The following TUT4 variants were observed in gnomAD, a reference collection of about 807,000 sequenced individuals.
The protein encoded by TUT4 is terminal uridylyltransferase 4.
A neutral mutation model predicts 192.2 loss-of-function variants in TUT4; 36 were observed. The observed-to-expected ratio is 0.19, with a 90% CI of 0.14 to 0.25. The LOEUF (loss-of-function observed/expected upper bound fraction) is 0.25. TUT4 is among the 10% of genes least tolerant of loss of function. TUT4 has a pLI of 1.00. For missense variants in TUT4, 1,493 were observed against 1,957.2 expected (o/e 0.76, Z 4.47); for synonymous variants, 618 against 666.0 (o/e 0.93, Z 1.11).
At chr1:52,450,380 G>A (rs748820811) in intron 20 of TUT4, among the ~76,000 whole-genome samples, 5 of 152,122 alleles carry the variant, frequency 3.3e-5, no homozygotes, top group East Asian at 1.9e-4. Flanking sequence ...AAAGTCCCCC[G>A]AAATCAAACC....
intron 4 of TUT4, among the ~76,000 whole-genome samples, chr1:52,508,609 C>G (rs966291115): frequency 6.6e-6 from 1 of 152,056 alleles, no homozygotes; most frequent in Non-Finnish European, 1.5e-5. Flanking sequence ...GGTAGACAGC[C>G]AGAATACAAT....
In TUT4 at chr1:52,516,431, C is replaced by G. The variant is rs181895387; in HGVS notation, c.719-377G>C. Among the ~76,000 whole-genome samples, 8 of 152,346 alleles carry G rather than the reference C, an allele frequency of 5.3e-5. No homozygotes were observed. In the East Asian group the frequency reaches 1.5e-3, roughly 29 times the overall value. ...AGTCCCACTCAAAGAAGATTAGTCA[C>G]TGAACTAAATTCACTAGCAATTAAA... On this transcript the variant is annotated intron_variant, in intron 2 of 29. Coordinates refer to ENST00000257177, the MANE Select transcript of TUT4 (RefSeq NM_001009881.3).
At chr1:52,426,864 T>C (rs1333128902) in intron 28 of TUT4, among the ~76,000 whole-genome samples, 1 of 152,156 alleles carries the variant, frequency 6.6e-6, no homozygotes, top group Non-Finnish European at 1.5e-5. Context: ...TAAAGATAAT[T>C]TGAAAAATGG....
At chr1:52,445,500 G>A (rs373760228) in intron 24 of TUT4, among the ~76,000 whole-genome samples, 2 of 152,108 alleles carry the variant, frequency 1.3e-5, no homozygotes, top group Non-Finnish European at 2.9e-5. Context: ...CATCCAATGC[G>A]CCAGACACTA....
rs1557830984 is a variant in TUT4 at position 52,490,707 on chromosome 1, A to T, written c.1388+25T>A. On this transcript the variant is annotated intron_variant, in intron 8 of 29. Coordinates refer to ENST00000257177, the MANE Select transcript of TUT4 (RefSeq NM_001009881.3). The stretch of plus-strand genomic sequence containing the variant: ...TGGTTGTTGGGGTTTGTTTTTTTAA[A>T]TATTTTATCTTCATTGTTACCAACC... 14 of 1,579,218 alleles carry T rather than the reference A, an allele frequency of 8.9e-6. No individual in the cohort carries two copies. In the East Asian group the frequency reaches 2.9e-4, roughly 33 times the overall value.
chr1:52,529,368 T>C (rs1682729118), intron 1 of TUT4, among the ~76,000 whole-genome samples: 1 of 152,190 alleles, frequency 6.6e-6, no homozygotes, highest in Non-Finnish European at 1.5e-5. Flanking sequence ...CTTGATAAGG[T>C]GTTTTACATA....
chr1:52,547,682 C>G (rs1182500920), intron 1 of TUT4, among the ~76,000 whole-genome samples: 2 of 152,162 alleles, frequency 1.3e-5, no homozygotes, highest in African/African-American at 4.8e-5. Context: ...GAAGGTAATA[C>G]TATTCAGCCA....
chr1:52,441,124 T>C (rs1655382812), intron 24 of TUT4, among the ~76,000 whole-genome samples: 1 of 151,970 alleles, frequency 6.6e-6, no homozygotes, highest in African/African-American at 2.4e-5. Flanking sequence ...TAATTTTTCA[T>C]AAAGAAGAGA....
intron 24 of TUT4, 81 bp from the exon 25 acceptor site, chr1:52,438,416 C>T: frequency 1.1e-6 from 1 of 914,786 alleles, no homozygotes; most frequent in Non-Finnish European, 1.7e-6. Context: ...AAGATGCAAA[C>T]ATGGTTTATT....
chr1:52,490,982 G>A (rs1317011425), intron 7 of TUT4, among the ~76,000 whole-genome samples, 181 bp from the exon 8 acceptor site: 5 of 152,130 alleles, frequency 3.3e-5, no homozygotes, highest in Non-Finnish European at 5.9e-5. Context: ...GTCATTTGCT[G>A]TATATCACAA....
rs560347319 is a variant in TUT4, at chr1:52,546,246, C to T, written c.-94+6685G>A. Among the ~76,000 whole-genome samples the T allele has an allele frequency of 5.5e-3, 832 of 152,306 alleles. 5 individuals are homozygous for T. Among genetic ancestry groups the T allele is most frequent in the South Asian group, 0.02 (95 of 4,828 alleles). ...AAAGCAGGCTAAGAGATACTGTACA[C>T]TCATGTTCACAGCAGCATCATTCAC... On this transcript the variant is annotated intron_variant, in intron 1 of 29. Coordinates refer to ENST00000257177, the MANE Select transcript of TUT4 (RefSeq NM_001009881.3).
intron 1 of TUT4, among the ~76,000 whole-genome samples, chr1:52,542,005 T>C (rs1189892572): frequency 5.3e-5 from 8 of 152,188 alleles, no homozygotes; most frequent in African/African-American, 1.7e-4. Context: ...AATGAACTAC[T>C]ACTCTGCCTT....
chr1:52,540,107 T>C (rs1436694305), intron 1 of TUT4, among the ~76,000 whole-genome samples: 1 of 150,330 alleles, frequency 6.7e-6, no homozygotes, highest in African/African-American at 2.5e-5. Flanking sequence ...TGTTACCAGC[T>C]ACTCGGGAGG....
At chr1:52,473,490 T>A (rs182139220) in intron 13 of TUT4, among the ~76,000 whole-genome samples, 1 of 152,208 alleles carries the variant, frequency 6.6e-6, no homozygotes, top group South Asian at 2.1e-4. Context: ...GTTTGTGGCA[T>A]TGACAGTGAT....
intron 11 of TUT4, 102 bp downstream of exon 11, chr1:52,481,321 C>T: frequency 7.9e-7 from 1 of 1,260,568 alleles, no homozygotes; most frequent in South Asian, 1.4e-5. Context: ...GGCCAAGAGG[C>T]TTGCTCAAGG....
intron 13 of TUT4, among the ~76,000 whole-genome samples, chr1:52,472,781 T>C (rs939232442): frequency 2.0e-5 from 3 of 151,926 alleles, no homozygotes; most frequent in Non-Finnish European, 4.4e-5. Flanking sequence ...ACACAAAAAT[T>C]TATGCCAACT....
Position 52,456,867 on chromosome 1 carries a change from C to T in TUT4, c.3435+1469G>A, listed in dbSNP as rs184799432. On this transcript the variant is annotated intron_variant, in intron 20 of 29. Transcript: ENST00000257177. The stretch of plus-strand genomic sequence containing the variant: ...AATGTTAATTGCAAACTATGGACTT[C>T]GGGTGATTATATGTCAATGTAGGTT... Among the ~76,000 whole-genome samples the T allele has an allele frequency of 2.9e-3, 448 of 152,138 alleles. 2 individuals carry two copies. The highest frequency in any genetic ancestry group is 0.01 in the African/African-American group (425 of 41,488).
chr1:52,542,732 CT>C (rs200477472), intron 1 of TUT4, among the ~76,000 whole-genome samples: 2,031 of 152,092 alleles, frequency 0.013, 47 homozygotes, highest in African/African-American at 0.047. Context: ...GGAAAGATGT[CT>C]GTTTTCACCA....
rs949868443 is a variant in TUT4, at chr1:52,440,437, T to G, written c.3823-2102A>C. Among the ~76,000 whole-genome samples, 13 of 150,618 alleles carry G rather than the reference T, an allele frequency of 8.6e-5. 1 individual carries two copies. Among genetic ancestry groups the G allele is most frequent in the South Asian group, 6.3e-4 (3 of 4,772 alleles). On this transcript the variant is annotated intron_variant, in intron 24 of 29. Transcript: ENST00000257177. ...GAGCCACCATGCCCATCCTGTGTTT[T>G]TTTTTTTTTTTTTTTTTTAAAGACA...
Sources: allele counts gnomAD v4.1 joint callset (sites outside exome capture counted in the v4.1 genomes callset), GRCh38; gene constraint gnomAD v4.1.1; transcripts MANE v1.5; gene names NCBI Gene and HGNC (gene_info 2026-07-23, HGNC 2026-07-21).